The following DLG1 variants were observed in gnomAD, a reference collection of about 807,000 sequenced individuals.
DLG1 encodes the protein disks large homolog 1.
DLG1 carries 42 observed loss-of-function variants against 123.4 expected under a neutral mutation model. The observed-to-expected ratio is 0.34, with a 90% CI of 0.27 to 0.44. The LOEUF is 0.44. Among genes scored for constraint, DLG1 ranks in the 20% least tolerant of loss-of-function variants. The pLI is 1.00. For synonymous variants in DLG1, 317 were observed against 356.2 expected (o/e 0.89, Z 1.24); for missense variants, 942 against 1,082.6 (o/e 0.87, Z 1.82).
At position 197,104,888 on chromosome 3, in the gene DLG1, T is replaced by A. The variant is rs761232435; in HGVS notation, c.1546+15A>T. 1 of 1,552,866 alleles carries A rather than the reference T, an allele frequency of 6.4e-7. No individual in the cohort carries two copies. Among genetic ancestry groups the A allele is most frequent in the South Asian group, 1.1e-5 (1 of 89,040 alleles). On this transcript the variant is annotated intron_variant, in intron 14 of 24. Coordinates refer to ENST00000667157, the MANE Select transcript of DLG1 (RefSeq NM_001366207.1). ...TAAAATAAGCAATAACTATAGACAA[T>A]AAGAATGTTATTACCTTCAGGTCGA...
chr3:197,293,484 T>C (rs1294675633), intron 3 of DLG1, among the ~76,000 whole-genome samples: 4 of 152,184 alleles, frequency 2.6e-5, no homozygotes, highest in Non-Finnish European at 5.9e-5. Flanking sequence ...AAAAATGACA[T>C]ATACCAGATA....
rs369164748 is a variant in DLG1, at chr3:197,276,719, A to G, written c.318+5960T>C. Among the ~76,000 whole-genome samples the G allele has an allele frequency of 3.3e-5, 5 of 152,240 alleles. No individual in the cohort carries two copies. The South Asian group carries it at 8.3e-4, about 25-fold the overall frequency. On this transcript the variant is annotated intron_variant, in intron 4 of 24. Transcript: ENST00000667157. ...CTAATATATAATTTATCTTTGTATT[A>G]TATCTTTCAAGATTCAGAAGTTCTA... is the stretch of plus-strand genomic sequence containing the variant.
intron 24 of DLG1, among the ~76,000 whole-genome samples, chr3:197,046,658 G>A (rs1723320520): frequency 6.6e-6 from 1 of 152,076 alleles, no homozygotes; most frequent in Non-Finnish European, 1.5e-5. Flanking sequence ...TGGGCGGATT[G>A]GATGAGTTTG....
chr3:197,215,193 T>C (rs972067876), intron 4 of DLG1, among the ~76,000 whole-genome samples: 3 of 152,168 alleles, frequency 2.0e-5, no homozygotes, highest in Admixed American at 2.0e-4. Context: ...AGATAATGCG[T>C]AATGGCACAG....
chr3:197,291,473 G>A (rs1040352993), intron 3 of DLG1, among the ~76,000 whole-genome samples: 1 of 152,166 alleles, frequency 6.6e-6, no homozygotes, highest in African/African-American at 2.4e-5. Flanking sequence ...TTCAAAATGT[G>A]TGATTTCCAT....
rs1014367941 is a variant in DLG1, at chr3:197,208,061, C to A, written c.319-13472G>T. ...TAGTCCCTAAGAAAAAGATACAAAA[C>A]CCTCCAGCCCTCTCTCTAATGCATG... On this transcript the variant is annotated intron_variant, in intron 4 of 24. Coordinates refer to ENST00000667157, the MANE Select transcript of DLG1 (RefSeq NM_001366207.1). Among the ~76,000 whole-genome samples the A allele has an allele frequency of 4.1e-5, 6 of 145,230 alleles. 2 individuals carry two copies. In the Admixed American group the frequency reaches 4.2e-4, roughly 10 times the overall value.
chr3:197,258,878 A>G (rs2150940306), intron 4 of DLG1, among the ~76,000 whole-genome samples: 1 of 152,282 alleles, frequency 6.6e-6, no homozygotes, highest in Admixed American at 6.5e-5. Context: ...TAGGCTTCTA[A>G]TTTCCAACCT....
At chr3:197,221,449 G>C (rs1159904318) in intron 4 of DLG1, among the ~76,000 whole-genome samples, 1 of 152,026 alleles carries the variant, frequency 6.6e-6, no homozygotes, top group Non-Finnish European at 1.5e-5. Flanking sequence ...GAATCCGGGA[G>C]GTGGAGGTTG....
intron 8 of DLG1, among the ~76,000 whole-genome samples, chr3:197,138,705 C>G (rs533828465): frequency 3.9e-5 from 6 of 152,294 alleles, no homozygotes; most frequent in African/African-American, 1.4e-4. Flanking sequence ...TTAAGACACA[C>G]TTTATAAAAA....
chr3:197,133,838 TAGA>T (rs1258973708), intron 10 of DLG1, among the ~76,000 whole-genome samples: 4 of 152,146 alleles, frequency 2.6e-5, no homozygotes, highest in African/African-American at 7.2e-5. Context: ...GAAAAAGTGT[TAGA>T]AGGAGGAAGG....
chr3:197,094,870 T>C (rs1759752570), intron 14 of DLG1, among the ~76,000 whole-genome samples: 1 of 152,224 alleles, frequency 6.6e-6, no homozygotes, highest in Admixed American at 6.5e-5. Context: ...CGGAATTTTC[T>C]TTCTTTTTCT....
intron 2 of DLG1, 110 bp from the exon 3 acceptor site, chr3:197,296,587 G>A (rs903761146): frequency 2.1e-6 from 2 of 939,936 alleles, no homozygotes; most frequent in East Asian, 2.5e-5. Flanking sequence ...AAATCCTTCA[G>A]GTCAATTGAT....
At chr3:197,288,989 C>T (rs999115717) in intron 3 of DLG1, among the ~76,000 whole-genome samples, 1 of 152,088 alleles carries the variant, frequency 6.6e-6, no homozygotes, top group Admixed American at 6.6e-5. Context: ...TTTAGGTAGT[C>T]TGAGTTTTCA....
intron 4 of DLG1, among the ~76,000 whole-genome samples, chr3:197,229,454 TAA>T (rs35520172): frequency 1.6e-3 from 200 of 121,380 alleles, no homozygotes; most frequent in South Asian, 2.8e-3. Flanking sequence ...GCCTGTCTCT[TAA>T]AAAAAAAAAA....
chr3:197,229,152 T>C (rs916219402), intron 4 of DLG1, among the ~76,000 whole-genome samples: 1 of 152,076 alleles, frequency 6.6e-6, no homozygotes, highest in Non-Finnish European at 1.5e-5. Context: ...CAAAGAATGA[T>C]CTAGCCCAAA....
intron 3 of DLG1, among the ~76,000 whole-genome samples, chr3:197,295,870 T>C (rs1303051583): frequency 1.3e-5 from 2 of 152,340 alleles, no homozygotes; most frequent in Non-Finnish European, 1.5e-5. Context: ...AAAATACGGT[T>C]ACTAGACAAG....
At position 197,116,209 on chromosome 3, in the gene DLG1, T is replaced by C. The variant is rs540712245; in HGVS notation, c.1287-126A>G. 3.6e-5 allele frequency: 26 copies of C among 723,854 alleles called. No homozygotes were observed. In the African/African-American group the frequency reaches 4.6e-4, roughly 13 times the overall value. The allele number at this position is 723,854 out of a possible 1,614,324, so 44.8% of individuals were successfully genotyped here. A position where few individuals can be genotyped will look rare whatever the true frequency, so the allele number is the denominator to read the frequency against. On this transcript the variant is annotated intron_variant, in intron 12 of 24. Coordinates refer to ENST00000667157, the MANE Select transcript of DLG1 (RefSeq NM_001366207.1). ...CAAAGAAAGCTAGACAAAATATAAATGGTTTTTCTAAAACTACGAGATAAA... is the reference window on the plus strand; with the variant it reads ...CAAAGAAAGCTAGACAAAATATAAACGGTTTTTCTAAAACTACGAGATAAA...
intron 3 of DLG1, 87 bp from the exon 4 acceptor site, chr3:197,282,932 AT>A: frequency 1.4e-6 from 1 of 709,070 alleles, no homozygotes; most frequent in Non-Finnish European, 2.3e-6. Context: ...CAAAAGCACA[AT>A]TTTTACTCTA....
At chr3:197,238,146 C>T (rs1183752864) in intron 4 of DLG1, among the ~76,000 whole-genome samples, 1 of 152,106 alleles carries the variant, frequency 6.6e-6, no homozygotes, top group Non-Finnish European at 1.5e-5. Flanking sequence ...AGCAGTGCCC[C>T]ACCTTTCACT....
Sources: gnomAD v4.1 joint callset for allele counts (sites outside exome capture counted in the v4.1 genomes callset) on GRCh38, gnomAD v4.1.1 for gene constraint, MANE v1.5 for transcripts, NCBI Gene and HGNC (gene_info 2026-07-23, HGNC 2026-07-21) for gene names.